The following ZBTB34 variants were observed in gnomAD, a reference collection of about 807,000 sequenced individuals.
The protein encoded by ZBTB34 is zinc finger and BTB domain containing 34.
In ZBTB34, 1 loss-of-function variant was observed where a neutral mutation model predicts 33.4. The ratio of observed to expected loss-of-function variants is 0.03; its 90% CI spans 0.01 to 0.14. The LOEUF is 0.14. Among genes scored for constraint, ZBTB34 ranks in the 10% least tolerant of loss-of-function variants. ZBTB34 has a pLI of 1.00. For synonymous variants in ZBTB34, 283 were observed against 253.5 expected, an observed-to-expected ratio of 1.12 and a Z score of -1.11; for missense variants, 406 against 657.2, an observed-to-expected ratio of 0.62 and a Z score of 4.18.
intron 1 of ZBTB34, 97 bp downstream of exon 1, chr9:126,860,836 G>C (rs1417856087): frequency 6.8e-6 from 1 of 147,588 alleles, no homozygotes; most frequent in Non-Finnish European, 1.5e-5. Context: ...GCCGCTGTCC[G>C]GCTCCCTCTG....
In ZBTB34 at chr9:126,873,722, G is replaced by A. The variant is rs149243948; in HGVS notation, c.-10-5668G>A. ...CGGGTTCAAGCGATTCTCCTGCCTC[G>A]GCCTCCCGAGTAGCTGGAATTACAG... is the stretch of plus-strand genomic sequence containing the variant. On this transcript the variant is annotated intron_variant, in intron 1 of 1. Coordinates refer to ENST00000319119, the Ensembl canonical transcript of ZBTB34. 6.3e-3 allele frequency among the ~76,000 whole-genome samples: 956 copies of A among 151,294 alleles called. 38 individuals are homozygous for A. In the East Asian group the frequency reaches 0.1, roughly 16 times the overall value.
At chr9:126,883,815 CTT>C (rs2033479205) in exon 2 of ZBTB34, 1 of 167,180 alleles carries the variant, frequency 6.0e-6, no homozygotes, top group Non-Finnish European at 1.5e-5. Context: ...CACTGTCATG[CTT>C]CCCAGGGGTG....
At chr9:126,865,915 G>A (rs185830674) in intron 1 of ZBTB34, among the ~76,000 whole-genome samples, 3 of 152,298 alleles carry the variant, frequency 2.0e-5, no homozygotes. Context: ...AACCTGGGTG[G>A]CGGAGGTTAC....
At chr9:126,863,513 T>G (rs930016511) in intron 1 of ZBTB34, among the ~76,000 whole-genome samples, 1 of 152,248 alleles carries the variant, frequency 6.6e-6, no homozygotes, top group African/African-American at 2.4e-5. Context: ...TTATTCCCGT[T>G]AATGTTCATG....
At chr9:126,871,580 T>A (rs2033280154) in intron 1 of ZBTB34, among the ~76,000 whole-genome samples, 1 of 151,976 alleles carries the variant, frequency 6.6e-6, no homozygotes, top group Non-Finnish European at 1.5e-5. Context: ...TCTGCCCACC[T>A]CGGCCTCCCA....
chr9:126,878,749 A>C (rs906637607), intron 1 of ZBTB34, among the ~76,000 whole-genome samples: 32 of 146,482 alleles, frequency 2.2e-4, no homozygotes, highest in African/African-American at 8.1e-4. Context: ...TTTTAGAAGG[A>C]GTCTCACTCT....
chr9:126,875,042 C>A (rs1405678852), intron 1 of ZBTB34, among the ~76,000 whole-genome samples: 1 of 152,120 alleles, frequency 6.6e-6, no homozygotes, highest in Non-Finnish European at 1.5e-5. Context: ...TCTAAAATTT[C>A]TTTAGTATTC....
At chr9:126,881,006 G>A in exon 2 of ZBTB34, 3 of 1,381,368 alleles carry the variant, frequency 2.2e-6, no homozygotes, top group Non-Finnish European at 2.9e-6. Flanking sequence ...CAACCATCTG[G>A]AAATCTCTTG....
At position 126,879,422 on chromosome 9, in the gene ZBTB34, G is replaced by A. The variant is rs2033404309; in HGVS notation, c.23G>A (p.Ser8Asn). ...TTCATGTCAGTAGAAATGGACAGCAGCAGTTTTATTCAGTTTGATGTGCCC... is the reference window on the plus strand; with the variant it reads ...TTCATGTCAGTAGAAATGGACAGCAACAGTTTTATTCAGTTTGATGTGCCC... Residue 8 changes from serine to asparagine, a missense_variant, in exon 2 of 2, where the codon AGC (serine) becomes AAC (asparagine). Ser to Asn is a conservative substitution (Grantham distance 46, BLOSUM62 1). This residue lies in a region of ZBTB34 where 50 missense variants were observed against 157.9 expected (regional missense o/e 0.32). Coordinates refer to ENST00000319119, the Ensembl canonical transcript of ZBTB34. This position sits in a 1 kb window ranked among gnomAD's most constrained non-coding sequence, Gnocchi z 6.4. 6.2e-7 allele frequency: 1 copy of A among 1,612,714 alleles called. No individual in the cohort carries two copies. Among genetic ancestry groups the A allele is most frequent in the South Asian group, 1.1e-5 (1 of 90,870 alleles).
chr9:126,863,672 G>A, intron 1 of ZBTB34: 1 of 985,332 alleles, frequency 1.0e-6, no homozygotes, highest in Non-Finnish European at 1.2e-6. Flanking sequence ...TCTGGTTGAT[G>A]TTGATGGCAA....
intron 1 of ZBTB34, among the ~76,000 whole-genome samples, chr9:126,865,555 G>A (rs1201283867): frequency 2.0e-5 from 3 of 152,232 alleles, no homozygotes; most frequent in African/African-American, 2.4e-5. Context: ...TTGCCCAGAT[G>A]GCATCTGAGA....
At chr9:126,874,903 T>C (rs918822521) in intron 1 of ZBTB34, among the ~76,000 whole-genome samples, 1 of 152,254 alleles carries the variant, frequency 6.6e-6, no homozygotes, top group Non-Finnish European at 1.5e-5. Context: ...ATAGCTTTTA[T>C]CATGGTTTAT....
intron 1 of ZBTB34, among the ~76,000 whole-genome samples, chr9:126,878,922 C>T (rs917016844): frequency 6.6e-6 from 1 of 151,950 alleles, no homozygotes; most frequent in Non-Finnish European, 1.5e-5. Context: ...TGGGGTTTTA[C>T]CATGTTGGCC....
Position 126,880,489 on chromosome 9 carries a change from A to C in ZBTB34, c.1090A>C (p.Ser364Arg), listed in dbSNP as rs1316680024. 6.2e-6 allele frequency: 10 copies of C among 1,613,722 alleles called. No individual in the cohort carries two copies. The highest frequency in any genetic ancestry group is 8.5e-6 in the Non-Finnish European group (10 of 1,179,900). The change falls in exon 2 of 2, where the codon AGT becomes CGT. Residue 364 changes from serine (S) to arginine (R), a missense_variant. This residue lies in a region of ZBTB34 where 123 missense variants were observed against 140.4 expected (regional missense o/e 0.88). Coordinates refer to ENST00000319119, the Ensembl canonical transcript of ZBTB34. This position sits in a 1 kb window ranked among gnomAD's most constrained non-coding sequence, Gnocchi z 6.7. ...GTATGAGAGCAGTCCCCGGGAGAGG[A>C]GTGCGAGAGGGCATTGGTACCCGTA... is the stretch of plus-strand genomic sequence containing the variant.
chr9:126,879,333 C>A lies in ZBTB34; in HGVS notation c.-10-57C>A. ...TTGTTGTTGTAAGCTTGTGTTTATG[C>A]CACTTGTACTTAGTGAGGAGTCATT... On this transcript the variant is annotated intron_variant, in intron 1 of 1. Coordinates refer to ENST00000319119, the Ensembl canonical transcript of ZBTB34. The surrounding 1 kb of genome is among the most constrained non-coding windows in gnomAD (Gnocchi z 6.4). 1 of 1,408,374 alleles carries A rather than the reference C, an allele frequency of 7.1e-7. No individual in the cohort carries two copies. The highest frequency in any genetic ancestry group is 9.7e-7 in the Non-Finnish European group (1 of 1,029,942). 87.2% of individuals were successfully genotyped at this position (1,408,374 alleles called of 1,614,324 possible).
intron 1 of ZBTB34, among the ~76,000 whole-genome samples, chr9:126,874,798 T>G (rs2033333494): frequency 6.6e-6 from 1 of 152,222 alleles, no homozygotes; most frequent in African/African-American, 2.4e-5. Flanking sequence ...TGCCCACATG[T>G]ATCTGACTAA....
At chr9:126,881,132 AAC>A in exon 2 of ZBTB34, 1 of 558,170 alleles carries the variant, frequency 1.8e-6, no homozygotes, top group Non-Finnish European at 3.2e-6. Flanking sequence ...ATCCAGGGAA[AAC>A]ACAGGCTGAC....
intron 1 of ZBTB34, 132 bp downstream of exon 1, chr9:126,860,871 C>T (rs2033133489): frequency 6.8e-6 from 1 of 147,370 alleles, no homozygotes; most frequent in Non-Finnish European, 1.5e-5. Context: ...GGAGCCTCCG[C>T]GCCTGGTCAG....
intron 1 of ZBTB34, among the ~76,000 whole-genome samples, chr9:126,861,018 C>G (rs993244126): frequency 4.6e-5 from 7 of 151,958 alleles, no homozygotes; most frequent in Non-Finnish European, 2.9e-5. Flanking sequence ...GCCGCTGGCC[C>G]GGCTGAGGGT....
Sources: allele counts gnomAD v4.1 joint callset (sites outside exome capture counted in the v4.1 genomes callset), GRCh38; gene constraint gnomAD v4.1.1; regional missense constraint gnomAD v4.1.1; non-coding constraint Gnocchi (gnomAD v3.1); transcripts MANE v1.5; gene names NCBI Gene and HGNC (gene_info 2026-07-23, HGNC 2026-07-21).